The following GFRA2 variants were observed in gnomAD, a reference collection of about 807,000 sequenced individuals.
GFRA2 encodes GDNF family receptor alpha 2.
A neutral mutation model predicts 48.3 loss-of-function variants in GFRA2; 17 were observed. That is an observed-to-expected ratio of 0.35 (90% CI 0.24 to 0.53). The LOEUF is 0.53. GFRA2 is among the 20% of genes least tolerant of loss of function. GFRA2 has a pLI of 0.93. For synonymous variants in GFRA2, 305 were observed against 257.2 expected, an observed-to-expected ratio of 1.19 and a Z score of -1.78; for missense variants, 660 against 637.3, an observed-to-expected ratio of 1.04 and a Z score of -0.38.
chr8:21,703,649 T>C (rs775578399), intron 6 of GFRA2, among the ~76,000 whole-genome samples: 79 of 152,268 alleles, frequency 5.2e-4, no homozygotes, highest in Non-Finnish European at 9.0e-4. Flanking sequence ...AGGTATCATC[T>C]CTTATCTACC....
intron 2 of GFRA2, among the ~76,000 whole-genome samples, chr8:21,804,100 T>A (rs111504648): frequency 0.059 from 8,975 of 152,242 alleles, 392 homozygotes; most frequent in South Asian, 0.091. Flanking sequence ...GGAAATTGAA[T>A]GCAGAAGTCA....
chr8:21,809,442 A>G (rs1361651816), intron 1 of GFRA2, among the ~76,000 whole-genome samples: 1 of 152,102 alleles, frequency 6.6e-6, no homozygotes, highest in East Asian at 1.9e-4. Context: ...CTCCTGCCTC[A>G]GCCTCCCGAG....
At chr8:21,702,739 G>T in intron 7 of GFRA2, 66 bp downstream of exon 7, 1 of 1,471,914 alleles carries the variant, frequency 6.8e-7, no homozygotes, top group Non-Finnish European at 9.1e-7. Flanking sequence ...GGCCTCAGCT[G>T]AGTCATTTCC....
intron 4 of GFRA2, among the ~76,000 whole-genome samples, chr8:21,741,574 A>G (rs1167615103): frequency 6.6e-6 from 1 of 152,156 alleles, no homozygotes; most frequent in African/African-American, 2.4e-5. Context: ...TCCAGGGGGT[A>G]GCCAGTGTCT....
chr8:21,726,570 T>A (rs1300381269), intron 4 of GFRA2, among the ~76,000 whole-genome samples: 1 of 152,152 alleles, frequency 6.6e-6, no homozygotes, highest in Non-Finnish European at 1.5e-5. Flanking sequence ...TTCCGGCTTC[T>A]GGTGGCGCCC....
chr8:21,750,674 G>A lies in GFRA2; in HGVS notation c.708C>T (p.Thr236=), dbSNP rs1417913438. Residue 236 remains threonine, a synonymous_variant, in exon 4 of 9, where the codon ACC becomes ACT. Coordinates refer to ENST00000524240, the MANE Select transcript of GFRA2 (RefSeq NM_001495.5). The surrounding 1 kb of genome is among the most constrained non-coding windows in gnomAD (Gnocchi z 5.7). ...DQACAERRRQ[T]ILPSCSYEDK... ...CCTCATAGGAGCAGCTGGGCAGGAT[G>A]GTTTGCCGGCGGCGCTCAGCGCACG... The A allele has an allele frequency of 1.2e-6, 2 of 1,613,900 alleles. No individual in the cohort carries two copies. Among genetic ancestry groups the A allele is most frequent in the Middle Eastern group, 3.3e-4 (2 of 6,062 alleles).
intron 2 of GFRA2, among the ~76,000 whole-genome samples, chr8:21,775,326 G>A (rs981293936): frequency 4.3e-4 from 65 of 152,190 alleles, no homozygotes; most frequent in Admixed American, 6.5e-5. Context: ...CTTCTCTCTC[G>A]TGACCACCCT....
intron 4 of GFRA2, among the ~76,000 whole-genome samples, chr8:21,725,967 C>T (rs115080420): frequency 6.4e-4 from 97 of 152,340 alleles, no homozygotes; most frequent in Non-Finnish European, 7.2e-4. Context: ...AACGCTGTGG[C>T]TCTCTCCTGA....
intron 1 of GFRA2, among the ~76,000 whole-genome samples, chr8:21,805,957 T>C (rs958109609): frequency 1.3e-4 from 20 of 152,306 alleles, no homozygotes; most frequent in Middle Eastern, 3.4e-3. Flanking sequence ...AGGGTGGCAG[T>C]TCCCTCAGGG....
intron 2 of GFRA2, among the ~76,000 whole-genome samples, chr8:21,795,001 G>A (rs1372019350): frequency 5.3e-5 from 8 of 152,162 alleles, no homozygotes; most frequent in African/African-American, 1.7e-4. Flanking sequence ...GGTAGGCACC[G>A]GCAGGAGGTG....
At chr8:21,697,512 C>T (rs1802268042) in intron 7 of GFRA2, among the ~76,000 whole-genome samples, 1 of 152,018 alleles carries the variant, frequency 6.6e-6, no homozygotes, top group Non-Finnish European at 1.5e-5. Flanking sequence ...CTGACCTTTC[C>T]TGAAGGTGGC....
rs923468190 is a variant in GFRA2 at position 21,783,351 on chromosome 8, G to A, written c.41-452C>T. Among the ~76,000 whole-genome samples, 5 of 152,200 alleles carry A rather than the reference G, an allele frequency of 3.3e-5. No homozygotes were observed. The East Asian group carries it at 9.7e-4, about 29-fold the overall frequency. ...CTCCAGCCAGAGGCCCATCCATGGC[G>A]CTGCACTAAACCTTGGATGCAGTGC... On this transcript the variant is annotated intron_variant, in intron 1 of 8. Coordinates refer to ENST00000524240, the MANE Select transcript of GFRA2 (RefSeq NM_001495.5).
chr8:21,717,202 AGAT>A (rs1803377403), intron 4 of GFRA2, among the ~76,000 whole-genome samples: 1 of 152,248 alleles, frequency 6.6e-6, no homozygotes, highest in South Asian at 2.1e-4. Context: ...CTCCGAAGAC[AGAT>A]GATGATCAAA....
At chr8:21,798,791 G>T (rs1421615456) in intron 2 of GFRA2, among the ~76,000 whole-genome samples, 1 of 152,190 alleles carries the variant, frequency 6.6e-6, no homozygotes, top group Non-Finnish European at 1.5e-5. Context: ...TGCTACTCCA[G>T]TGACTCGGTG....
At chr8:21,758,769 G>T (rs1159061905) in intron 3 of GFRA2, among the ~76,000 whole-genome samples, 1 of 152,092 alleles carries the variant, frequency 6.6e-6, no homozygotes, top group Non-Finnish European at 1.5e-5. Flanking sequence ...GGAGGGCCAG[G>T]GAAAGCCCTG....
At chr8:21,793,601 T>A (rs1265394720), upstream of GFRA2, among the ~76,000 whole-genome samples, 2 of 152,196 alleles carry the variant, frequency 1.3e-5, no homozygotes, top group South Asian at 2.1e-4. Context: ...GTACTATTAA[T>A]AGCCTCATTT....
Position 21,788,479 on chromosome 8 carries a change from G to C in GFRA2, c.-320C>G, listed in dbSNP as rs1344432591. Reference sequence around the variant, plus strand: ...GGTCAGCCCTCCCCTCCAATCGTCCGGGAAGGCGTGAGTCCCCGCGGGTCC... The same window carrying C: ...GGTCAGCCCTCCCCTCCAATCGTCCCGGAAGGCGTGAGTCCCCGCGGGTCC... On this transcript the variant is annotated 5_prime_UTR_variant, in exon 1 of 9. Coordinates refer to ENST00000524240, the MANE Select transcript of GFRA2 (RefSeq NM_001495.5). The C allele has an allele frequency of 3.6e-6, 4 of 1,098,212 alleles. No homozygotes were observed. The highest frequency in any genetic ancestry group is 4.4e-6 in the Non-Finnish European group (4 of 904,080). The allele number at this position is 1,098,212 out of a possible 1,614,324, so 68.0% of individuals were successfully genotyped here.
chr8:21,727,536 C>T (rs78964728), intron 4 of GFRA2, among the ~76,000 whole-genome samples: 2,582 of 152,304 alleles, frequency 0.017, 34 homozygotes, highest in Middle Eastern at 0.041. Flanking sequence ...CTCCCCATCA[C>T]GGCCCCCCCC....
At chr8:21,698,488 C>T (rs1802318881) in intron 7 of GFRA2, among the ~76,000 whole-genome samples, 1 of 152,150 alleles carries the variant, frequency 6.6e-6, no homozygotes, top group Admixed American at 6.5e-5. Context: ...CCCAGAGCCT[C>T]GCTGGTCTGG....
Sources: allele counts gnomAD v4.1 joint callset (sites outside exome capture counted in the v4.1 genomes callset), GRCh38; gene constraint gnomAD v4.1.1; non-coding constraint Gnocchi (gnomAD v3.1); transcripts MANE v1.5; gene names NCBI Gene and HGNC (gene_info 2026-07-23, HGNC 2026-07-21).